CCDC146: variants seen among roughly 807,000 people sequenced by gnomAD.
The protein encoded by CCDC146 is coiled-coil domain-containing protein 146.
A neutral mutation model predicts 119.3 loss-of-function variants in CCDC146; 92 were observed. The ratio of observed to expected loss-of-function variants is 0.77; its 90% confidence interval spans 0.65 to 0.92. The LOEUF (loss-of-function observed/expected upper bound fraction) is 0.92. CCDC146 is among the 40% of genes least tolerant of loss of function. The pLI is 0.00. For missense variants in CCDC146, 1,000 were observed against 1,103.0 expected, an observed-to-expected ratio of 0.91 and a Z score of 1.32; for synonymous variants, 372 against 371.8, an observed-to-expected ratio of 1.00 and a Z score of -0.01.
chr7:77,198,463 G>C (rs1175740120), intron 2 of CCDC146: 1 of 195,760 alleles, frequency 5.1e-6, no homozygotes, highest in Non-Finnish European at 9.3e-6. Flanking sequence ...TAAGTCTGTG[G>C]AATTTCACAT....
chr7:77,287,020 C>A, intron 16 of CCDC146, 94 bp downstream of exon 16: 1 of 1,335,030 alleles, frequency 7.5e-7, no homozygotes, highest in Non-Finnish European at 1.1e-6. Context: ...GCTGACAGAC[C>A]TATCCTTCAT....
intron 4 of CCDC146, among the ~76,000 whole-genome samples, chr7:77,245,384 A>C (rs1792929825): frequency 1.3e-5 from 2 of 152,204 alleles, no homozygotes; most frequent in African/African-American, 4.8e-5. Context: ...CCTTGCCTTG[A>C]TTGTGTTACC....
chr7:77,131,458 C>T (rs1025198054), intron 1 of CCDC146, among the ~76,000 whole-genome samples: 2 of 152,038 alleles, frequency 1.3e-5, no homozygotes, highest in African/African-American at 2.4e-5. Flanking sequence ...TGGCTCACAC[C>T]TGTAATCTCA....
At chr7:77,124,169 C>A (rs1790662934) in intron 1 of CCDC146, among the ~76,000 whole-genome samples, 1 of 152,134 alleles carries the variant, frequency 6.6e-6, no homozygotes, top group Non-Finnish European at 1.5e-5. Flanking sequence ...GAATTGGCAA[C>A]TGAACTATAA....
In CCDC146 at chr7:77,279,022, G is replaced by T; in HGVS notation, c.1615G>T (p.Val539Leu). The change falls in exon 13 of 19, where the codon GTA becomes TTA. Residue 539 changes from valine (V) to leucine (L), a missense_variant. By Grantham distance (32) the Val-to-Leu change is conservative (BLOSUM62 1). This residue lies in a region of CCDC146 where 985 missense variants were observed against 1,045.3 expected (regional missense o/e 0.94). Transcript: ENST00000285871. ...VNLLHKAHQK[V>L]NEIKERHKMS... is the part of the protein sequence containing the mutation. Reference sequence around the variant, plus strand: ...CTTACTCCACAAAGCTCATCAGAAAGTAAATGAAATAAAAGAAAGGCATAA... The same window carrying T: ...CTTACTCCACAAAGCTCATCAGAAATTAAATGAAATAAAAGAAAGGCATAA... The T allele has an allele frequency of 1.2e-6, 2 of 1,611,836 alleles. 1 individual carries two copies. The highest frequency in any genetic ancestry group is 2.2e-5 in the South Asian group (2 of 90,584).
intron 1 of CCDC146, among the ~76,000 whole-genome samples, chr7:77,150,700 C>T (rs1340194202): frequency 6.6e-6 from 1 of 152,148 alleles, no homozygotes; most frequent in African/African-American, 2.4e-5. Context: ...AAATTCCACT[C>T]TTGGTATTAC....
rs1164614954 is a variant in CCDC146, at chr7:77,294,772, A to T, written c.2774A>T (p.Lys925Ile). The T allele has an allele frequency of 2.5e-6, 4 of 1,614,036 alleles. No individual in the cohort carries two copies. Among genetic ancestry groups the T allele is most frequent in the Non-Finnish European group, 3.4e-6 (4 of 1,180,024 alleles). ...PEADATLPLP[K>I]PYGALAPFKP... ...GCAGATGCCACTCTTCCTTTGCCAA[A>T]ACCTTATGGTGCTTTGGCTCCTTTT... The change falls in exon 19 of 19, where the codon AAA becomes ATA. Residue 925 changes from lysine (K) to isoleucine (I), a missense_variant. By Grantham distance (102) the Lys-to-Ile change is moderately radical (BLOSUM62 -3). Coordinates refer to ENST00000285871, the MANE Select transcript of CCDC146 (RefSeq NM_020879.3).
rs776833953 is a variant in CCDC146, at chr7:77,274,558, A to G, written c.1346A>G (p.Glu449Gly). 1.2e-6 allele frequency: 2 copies of G among 1,613,324 alleles called. No homozygotes were observed. Among genetic ancestry groups the G allele is most frequent in the South Asian group, 2.2e-5 (2 of 90,998 alleles). Residue 449 changes from glutamate (E) to glycine (G), a missense_variant, in exon 11 of 19, where the codon GAA becomes GGA. Glu to Gly is a moderately conservative substitution (Grantham distance 98). This residue lies in a region of CCDC146 where 985 missense variants were observed against 1,045.3 expected (regional missense o/e 0.94). Coordinates refer to ENST00000285871, the MANE Select transcript of CCDC146 (RefSeq NM_020879.3). ...GAAAACAAGCTTTTAAAGGAGCAAG[A>G]AAACATGAAAGAGCTAGTAGTCAAC... ...AEENKLLKEQ[E>G]NMKELVVNLL...
At chr7:77,145,928 T>C (rs1478722063) in intron 1 of CCDC146, among the ~76,000 whole-genome samples, 2 of 152,120 alleles carry the variant, frequency 1.3e-5, no homozygotes, top group Non-Finnish European at 1.5e-5. Context: ...TAGATGTCTA[T>C]TAGGTCCACT....
intron 2 of CCDC146, among the ~76,000 whole-genome samples, chr7:77,204,102 G>A (rs1250411298): frequency 6.6e-6 from 1 of 151,766 alleles, no homozygotes; most frequent in Non-Finnish European, 1.5e-5. Context: ...CGTATTTATA[G>A]TATTGAGAGC....
chr7:77,262,300 T>A lies in CCDC146; in HGVS notation c.1166T>A (p.Leu389Gln), dbSNP rs780042148. Residue 389 changes from leucine to glutamine, a missense_variant, in exon 9 of 19, where the codon CTA becomes CAA. Physicochemically the swap from Leu to Gln is moderately radical, Grantham distance 113 (BLOSUM62 -2). Coordinates refer to ENST00000285871, the MANE Select transcript of CCDC146 (RefSeq NM_020879.3). ...ACTCAAGCACTGCATCAAAGGCTTC[T>A]ATTAGAGGTGAGGGCTGTAAACTAC... ...RQTQALHQRL[L>Q]LEMEAIPKDD... 3.8e-6 allele frequency: 6 copies of A among 1,592,144 alleles called. No individual in the cohort carries two copies. Among genetic ancestry groups the A allele is most frequent in the African/African-American group, 1.3e-5 (1 of 74,082 alleles).
At chr7:77,139,306 G>A (rs181022794) in intron 1 of CCDC146, among the ~76,000 whole-genome samples, 25 of 152,324 alleles carry the variant, frequency 1.6e-4, no homozygotes, top group African/African-American at 6.0e-4. Flanking sequence ...TTCTGGAAAA[G>A]GCAAAACTGT....
In CCDC146 at chr7:77,270,443, GAT is replaced by G. The variant is rs547438090; in HGVS notation, c.1174-3246_1174-3245del. On this transcript the variant is annotated intron_variant, in intron 9 of 18. Coordinates refer to ENST00000285871, the MANE Select transcript of CCDC146 (RefSeq NM_020879.3). ...GAACTATCATAAGCTTACAAAACCT[GAT>G]ATATGCAGTTTGGGGCTCAAAAGAA... Among the ~76,000 whole-genome samples, 210 of 152,078 alleles carry G rather than the reference GAT, an allele frequency of 1.4e-3. 1 individual carries two copies. Among genetic ancestry groups the G allele is most frequent in the African/African-American group, 4.9e-3 (202 of 41,468 alleles).
At chr7:77,278,879 G>C (rs375681022) in intron 12 of CCDC146, 39 bp downstream of exon 12, 2 of 1,594,946 alleles carry the variant, frequency 1.3e-6, no homozygotes, top group African/African-American at 2.7e-5. Flanking sequence ...CGTAGGTGAG[G>C]GGAAAAAAAC....
intron 1 of CCDC146, among the ~76,000 whole-genome samples, chr7:77,136,737 A>C (rs2539149): frequency 1.4e-5 from 2 of 138,158 alleles, no homozygotes; most frequent in Non-Finnish European, 3.2e-5. Flanking sequence ...CTTTTGGTAG[A>C]TAGAAGAATA....
At position 77,241,729 on chromosome 7, in the gene CCDC146, A is replaced by G. The variant is rs1284996127; in HGVS notation, c.278A>G (p.Lys93Arg). The change falls in exon 4 of 19, where the codon AAA (lysine) becomes AGA (arginine). Residue 93 changes from lysine (K) to arginine (R), a missense_variant. Lys to Arg is a conservative substitution (Grantham distance 26). Around this residue, in one of 2 missense-constraint regions of CCDC146, gnomAD observed 985 missense variants for 1,045.3 expected, o/e 0.94. Transcript: ENST00000285871. ...ESEVQLLQNA[K>R]RFTEQIQQQQ... is the part of the protein sequence containing the mutation. The stretch of plus-strand genomic sequence containing the variant: ...GAGGTCCAACTGCTACAGAATGCCA[A>G]ACGTTTCACTGAGCAAATACAACAG... 1.2e-5 allele frequency: 19 copies of G among 1,613,940 alleles called. No individual in the cohort carries two copies. Among genetic ancestry groups the G allele is most frequent in the Non-Finnish European group, 1.4e-5 (17 of 1,180,054 alleles).
chr7:77,159,095 A>C (rs2117462542), intron 1 of CCDC146, among the ~76,000 whole-genome samples: 1 of 152,300 alleles, frequency 6.6e-6, no homozygotes, highest in South Asian at 2.1e-4. Context: ...AACCATCATC[A>C]ATCTCATAAA....
At chr7:77,147,483 G>GC (rs1374460105) in intron 1 of CCDC146, among the ~76,000 whole-genome samples, 3 of 152,150 alleles carry the variant, frequency 2.0e-5, no homozygotes, top group Non-Finnish European at 2.9e-5. Context: ...GGGGAGAGGT[G>GC]CTCTGATTTT....
intron 2 of CCDC146, chr7:77,198,384 G>C (rs1045109580): frequency 1.1e-6 from 1 of 921,132 alleles, no homozygotes; most frequent in Non-Finnish European, 1.3e-6. Flanking sequence ...AGTGGTCCCA[G>C]TGACTCAGGT....
Sources: gnomAD v4.1 joint callset for allele counts (sites outside exome capture counted in the v4.1 genomes callset) on GRCh38, gnomAD v4.1.1 for gene constraint, gnomAD v4.1.1 regional missense constraint, MANE v1.5 for transcripts, NCBI Gene and HGNC (gene_info 2026-07-23, HGNC 2026-07-21) for gene names.